Variants in SNX7 observed in about 807,000 individuals in gnomAD.
SNX7 encodes sorting nexin-7.
SNX7 carries 35 observed loss-of-function variants against 48.4 expected under a neutral mutation model. That is an observed-to-expected ratio of 0.72 (90% confidence interval 0.55 to 0.96). The LOEUF is 0.96. SNX7 is among the 40% of genes least tolerant of loss of function. The probability of loss-of-function intolerance (pLI) is 0.00; values close to 1 mark genes in which losing one functional copy is unlikely to be tolerated. For synonymous variants in SNX7, 190 were observed against 190.2 expected (o/e 1.00, Z 0.01); for missense variants, 553 against 548.9 (o/e 1.01, Z -0.07).
intron 1 of SNX7, among the ~76,000 whole-genome samples, chr1:98,683,194 A>G (rs953228698): frequency 2.0e-5 from 3 of 151,842 alleles, no homozygotes; most frequent in African/African-American, 7.3e-5. Context: ...TTTGTTTGTG[A>G]CTTTATTTCA....
At chr1:98,662,711 A>G (rs1034761105) in intron 1 of SNX7, 2 of 1,289,176 alleles carry the variant, frequency 1.6e-6, no homozygotes, top group Admixed American at 2.3e-5. Context: ...GTTGAATGTC[A>G]CTCCAGTTTC....
At chr1:98,680,043 G>A (rs990890350) in intron 1 of SNX7, among the ~76,000 whole-genome samples, 6 of 152,202 alleles carry the variant, frequency 3.9e-5, no homozygotes, top group Non-Finnish European at 8.8e-5. Context: ...CTCCATGAGA[G>A]CTCCATCCCT....
Position 98,691,709 on chromosome 1 carries a change from TTTTA to T in SNX7, c.639+16_639+19del, listed in dbSNP as rs1651138187. On this transcript the variant is annotated intron_variant, in intron 4 of 8. Coordinates refer to ENST00000306121, the MANE Select transcript of SNX7 (RefSeq NM_015976.5). ...CACTGCACAAGCTTGGGTAAATGAT[TTTTA>T]TTTATACTCATATAATCTTTGGGTG... The T allele has an allele frequency of 6.3e-7, 1 of 1,585,840 alleles. No homozygotes were observed. The highest frequency in any genetic ancestry group is 1.8e-5 in the Admixed American group (1 of 55,602).
chr1:98,672,332 C>T (rs1258475614), intron 1 of SNX7, among the ~76,000 whole-genome samples: 1 of 151,424 alleles, frequency 6.6e-6, no homozygotes, highest in East Asian at 2.0e-4. Flanking sequence ...ATAATATGAG[C>T]ACTGGTGGAA....
chr1:98,665,237 G>A (rs185818003), intron 1 of SNX7, among the ~76,000 whole-genome samples: 2 of 152,218 alleles, frequency 1.3e-5, no homozygotes, highest in Admixed American at 6.5e-5. Flanking sequence ...GGAACTTACA[G>A]GTGTAATCAT....
At position 98,695,605 on chromosome 1, in the gene SNX7, G is replaced by A. The variant is rs368597936; in HGVS notation, c.727G>A (p.Val243Ile). ...VRAVASSMRG[V>I]KNRPEEFMEM... ...AGCTGTTGCGTCCTCAATGAGAGGA[G>A]TTAAAAACCGCCCAGAGGAGTTCAT... Residue 243 changes from valine (V) to isoleucine (I), a missense_variant, in exon 5 of 9, where the codon GTT becomes ATT. Val to Ile is a conservative substitution (Grantham distance 29). Coordinates refer to ENST00000306121, the MANE Select transcript of SNX7 (RefSeq NM_015976.5). 6.2e-7 allele frequency: 1 copy of A among 1,614,052 alleles called. No homozygotes were observed. Among genetic ancestry groups the A allele is most frequent in the East Asian group, 2.2e-5 (1 of 44,860 alleles).
At chr1:98,697,463 C>T (rs1651520308) in intron 5 of SNX7, among the ~76,000 whole-genome samples, 2 of 151,914 alleles carry the variant, frequency 1.3e-5, no homozygotes, top group Admixed American at 1.3e-4. Flanking sequence ...TATAAATTTT[C>T]CACCACAAAA....
At chr1:98,674,245 C>T (rs917723475) in intron 1 of SNX7, among the ~76,000 whole-genome samples, 3 of 152,100 alleles carry the variant, frequency 2.0e-5, no homozygotes, top group African/African-American at 4.8e-5. Context: ...GTGAGTTTGC[C>T]AGGGCTGCTG....
rs910008491 is a variant in SNX7, at chr1:98,700,546, A to AT, written c.1039-1257dup. On this transcript the variant is annotated intron_variant, in intron 6 of 8. Coordinates refer to ENST00000306121, the MANE Select transcript of SNX7 (RefSeq NM_015976.5). ...CTAGGAAAAATGTTAGCTTCCTTTG[A>AT]TTTTTTTTTTTTTTAAGAGACATGG... 4.6e-3 allele frequency among the ~76,000 whole-genome samples: 666 copies of AT among 143,496 alleles called. 1 individual carries two copies. The highest frequency in any genetic ancestry group is 0.011 in the African/African-American group (439 of 39,442). 94.1% of individuals were successfully genotyped at this position (143,496 alleles called of 152,430 possible). A position where few individuals can be genotyped will look rare whatever the true frequency, so the allele number is the denominator to read the frequency against.
At chr1:98,720,042 T>G (rs1652783871) in intron 7 of SNX7, among the ~76,000 whole-genome samples, 1 of 151,694 alleles carries the variant, frequency 6.6e-6, no homozygotes, top group Non-Finnish European at 1.5e-5. Flanking sequence ...ATATACTTAA[T>G]TCGTTTTCAT....
rs543926537 is a variant in SNX7 at position 98,686,162 on chromosome 1, A to C, written c.363+1095A>C. Among the ~76,000 whole-genome samples the C allele has an allele frequency of 2.8e-4, 43 of 152,310 alleles. 1 individual carries two copies. The highest frequency in any genetic ancestry group is 5.1e-4 in the Non-Finnish European group (35 of 68,002). On this transcript the variant is annotated intron_variant, in intron 2 of 8. Transcript: ENST00000306121. ...TTTTCAATATACAACTCAAAATGTTAGATGCCTGTGAAAGCTTCTCTAGTT... is the reference window on the plus strand; with the variant it reads ...TTTTCAATATACAACTCAAAATGTTCGATGCCTGTGAAAGCTTCTCTAGTT...
intron 7 of SNX7, among the ~76,000 whole-genome samples, chr1:98,736,217 G>T (rs890952038): frequency 6.6e-6 from 1 of 152,148 alleles, no homozygotes; most frequent in African/African-American, 2.4e-5. Flanking sequence ...CTATGCCATT[G>T]CATGGCAATT....
At chr1:98,728,984 G>C (rs1366895543) in intron 7 of SNX7, among the ~76,000 whole-genome samples, 3 of 152,154 alleles carry the variant, frequency 2.0e-5, no homozygotes, top group African/African-American at 7.2e-5. Flanking sequence ...CAAAATGACA[G>C]AATATGCATT....
intron 1 of SNX7, among the ~76,000 whole-genome samples, chr1:98,665,316 G>T (rs1219216912): frequency 6.6e-6 from 1 of 152,096 alleles, no homozygotes; most frequent in African/African-American, 2.4e-5. Context: ...CTAGAGATAG[G>T]TAAATATTGT....
At chr1:98,741,875 T>G (rs1012159799) in intron 8 of SNX7, among the ~76,000 whole-genome samples, 1 of 152,152 alleles carries the variant, frequency 6.6e-6, no homozygotes, top group African/African-American at 2.4e-5. Flanking sequence ...GAGCACATTC[T>G]TCTCAAAGCT....
At chr1:98,667,612 C>G (rs1041019420) in intron 1 of SNX7, among the ~76,000 whole-genome samples, 2 of 151,584 alleles carry the variant, frequency 1.3e-5, no homozygotes, top group African/African-American at 4.8e-5. Context: ...GAATTCCTGA[C>G]CTCAGGTGAT....
At chr1:98,703,618 GA>G (rs1346877842) in intron 7 of SNX7, among the ~76,000 whole-genome samples, 8 of 151,848 alleles carry the variant, frequency 5.3e-5, no homozygotes, top group African/African-American at 1.9e-4. Context: ...TATTTGATAA[GA>G]AACAATTGAC....
chr1:98,689,669 C>A (rs1450198928), intron 2 of SNX7, among the ~76,000 whole-genome samples: 1 of 152,128 alleles, frequency 6.6e-6, no homozygotes, highest in Non-Finnish European at 1.5e-5. Flanking sequence ...GGTAGTGGAC[C>A]TGTACGTATG....
At chr1:98,696,772 T>C (rs139471915) in intron 5 of SNX7, among the ~76,000 whole-genome samples, 157 of 152,144 alleles carry the variant, frequency 1.0e-3, no homozygotes, top group African/African-American at 3.4e-3. Flanking sequence ...TTAACTAGGT[T>C]CTGTGATTCC....
Sources: gnomAD v4.1 joint callset for allele counts (sites outside exome capture counted in the v4.1 genomes callset) on GRCh38, gnomAD v4.1.1 for gene constraint, MANE v1.5 for transcripts, NCBI Gene and HGNC (gene_info 2026-07-23, HGNC 2026-07-21) for gene names.